NPSR1: variants seen among roughly 807,000 people sequenced by gnomAD.
The protein encoded by NPSR1 is neuropeptide S receptor 1.
A neutral mutation model predicts 46.9 loss-of-function variants in NPSR1; 48 were observed. The observed-to-expected ratio is 1.02, with a 90% CI of 0.81 to 1.30. The LOEUF (loss-of-function observed/expected upper bound fraction) is 1.30. NPSR1 is among the 50% of genes most tolerant of loss of function. The pLI, the probability that NPSR1 is intolerant of heterozygous loss-of-function variation, is 0.00. For missense variants in NPSR1, 450 were observed against 449.5 expected, an observed-to-expected ratio of 1.00 and a Z score of -0.01; for synonymous variants, 176 against 168.1, an observed-to-expected ratio of 1.05 and a Z score of -0.36.
chr7:34,664,454 A>C (rs1461410972), intron 1 of NPSR1, among the ~76,000 whole-genome samples: 1 of 152,168 alleles, frequency 6.6e-6, no homozygotes, highest in Non-Finnish European at 1.5e-5. Context: ...CTCTTTTCTC[A>C]AGACAACTAC....
At chr7:34,747,551 C>T (rs1271192841) in intron 2 of NPSR1, among the ~76,000 whole-genome samples, 1 of 152,162 alleles carries the variant, frequency 6.6e-6, no homozygotes, top group African/African-American at 2.4e-5. Context: ...AAGGTGGAAT[C>T]AGAGATATCT....
At chr7:34,682,535 C>G (rs780708626) in intron 1 of NPSR1, among the ~76,000 whole-genome samples, 3 of 152,162 alleles carry the variant, frequency 2.0e-5, no homozygotes, top group Non-Finnish European at 2.9e-5. Flanking sequence ...TTAGGTTAGT[C>G]TGCAAGTTGT....
chr7:34,706,038 A>C (rs1459840027), intron 2 of NPSR1, among the ~76,000 whole-genome samples: 1 of 151,968 alleles, frequency 6.6e-6, no homozygotes, highest in African/African-American at 2.4e-5. Context: ...TGGGTATAGA[A>C]ATCTTGAATT....
At chr7:34,674,920 G>A (rs924680626) in intron 1 of NPSR1, among the ~76,000 whole-genome samples, 19 of 152,280 alleles carry the variant, frequency 1.2e-4, no homozygotes, top group African/African-American at 3.4e-4. Flanking sequence ...GAAAGAAAAT[G>A]AAGATTTGTC....
chr7:34,869,334 G>C (rs1176736691), intron 8 of NPSR1, among the ~76,000 whole-genome samples: 2 of 151,820 alleles, frequency 1.3e-5, no homozygotes, highest in East Asian at 3.8e-4. Flanking sequence ...GTCATTCACA[G>C]TACTGCAAAG....
chr7:34,848,067 G>A (rs949560029), intron 7 of NPSR1, among the ~76,000 whole-genome samples: 2 of 152,192 alleles, frequency 1.3e-5, no homozygotes, highest in African/African-American at 4.8e-5. Context: ...AAAACCAGTA[G>A]TCACTACGTG....
At chr7:34,678,492 T>C (rs1365078312) in intron 1 of NPSR1, among the ~76,000 whole-genome samples, 2 of 152,142 alleles carry the variant, frequency 1.3e-5, no homozygotes, top group African/African-American at 2.4e-5. Flanking sequence ...AATCTCTTAC[T>C]TGTATTCTCA....
chr7:34,690,055 G>A (rs997493930), intron 2 of NPSR1, among the ~76,000 whole-genome samples: 1 of 151,900 alleles, frequency 6.6e-6, no homozygotes, highest in Non-Finnish European at 1.5e-5. Context: ...CAGCCTTATA[G>A]GAGGCAGTGA....
At chr7:34,852,332 A>AGAGGAAGG (rs1316564857), downstream of NPSR1, among the ~76,000 whole-genome samples, 4 of 151,892 alleles carry the variant, frequency 2.6e-5, no homozygotes, top group African/African-American at 9.7e-5. Flanking sequence ...AGAGAGAGAG[A>AGAGGAAGG]GAGGAAGGGA....
intron 2 of NPSR1, chr7:34,685,687 T>C: frequency 2.3e-6 from 1 of 425,760 alleles, no homozygotes; most frequent in South Asian, 1.7e-5. Context: ...CACTGTAACT[T>C]ACAAGAGAAT....
chr7:34,720,020 G>A (rs1220758977), intron 2 of NPSR1, among the ~76,000 whole-genome samples: 5 of 151,814 alleles, frequency 3.3e-5, no homozygotes, highest in East Asian at 1.9e-4. Flanking sequence ...GGTGGCGCAC[G>A]CCTGTAATCC....
chr7:34,839,226 G>A (rs1219613960), intron 6 of NPSR1, among the ~76,000 whole-genome samples: 1 of 152,222 alleles, frequency 6.6e-6, no homozygotes, highest in Non-Finnish European at 1.5e-5. Flanking sequence ...TTCGTGGATA[G>A]TAAGGTTCAA....
At chr7:34,804,746 T>C (rs1788605193) in intron 3 of NPSR1, among the ~76,000 whole-genome samples, 1 of 152,092 alleles carries the variant, frequency 6.6e-6, no homozygotes, top group African/African-American at 2.4e-5. Flanking sequence ...TCTTTGTTAA[T>C]AAATTTGTAA....
At chr7:34,873,455 G>T (rs1054112124) in intron 8 of NPSR1, among the ~76,000 whole-genome samples, 5 of 151,740 alleles carry the variant, frequency 3.3e-5, no homozygotes, top group African/African-American at 9.7e-5. Flanking sequence ...ATTGGCTCAT[G>T]ATTCTGCAGG....
At chr7:34,666,804 G>T (rs569989323) in intron 1 of NPSR1, among the ~76,000 whole-genome samples, 2 of 152,100 alleles carry the variant, frequency 1.3e-5, no homozygotes, top group African/African-American at 4.8e-5. Flanking sequence ...ATCTGCCCAT[G>T]GTTTTTGTCT....
intron 4 of NPSR1, 40 bp downstream of exon 4, chr7:34,811,903 T>C (rs191425628): frequency 9.2e-6 from 12 of 1,298,946 alleles, no homozygotes; most frequent in Admixed American, 3.5e-5. Context: ...TAAAGAACTG[T>C]CCTTGAGTGA....
intron 2 of NPSR1, among the ~76,000 whole-genome samples, chr7:34,691,838 G>A (rs1793277977): frequency 1.3e-5 from 2 of 152,146 alleles, no homozygotes; most frequent in African/African-American, 2.4e-5. Flanking sequence ...GACTTATTCT[G>A]GGTACAGTAA....
chr7:34,736,633 C>T (rs1485776827), intron 2 of NPSR1, among the ~76,000 whole-genome samples: 1 of 152,108 alleles, frequency 6.6e-6, no homozygotes, highest in Non-Finnish European at 1.5e-5. Context: ...CAGCATCTCA[C>T]TCTGTTGCCC....
intron 8 of NPSR1, 179 bp from the exon 9 acceptor site, chr7:34,849,386 C>G: frequency 6.4e-7 from 1 of 1,553,278 alleles, no homozygotes. Context: ...TGGTGCTGAC[C>G]AGTGAGAAGG....
Sources: gnomAD v4.1 joint callset for allele counts (sites outside exome capture counted in the v4.1 genomes callset) on GRCh38, gnomAD v4.1.1 for gene constraint, MANE v1.5 for transcripts, NCBI Gene and HGNC (gene_info 2026-07-23, HGNC 2026-07-21) for gene names.